RASGRP3: variants seen among roughly 807,000 people sequenced by gnomAD.
The protein encoded by RASGRP3 is RAS guanyl releasing protein 3, also known as ras guanyl-releasing protein 3.
RASGRP3 carries 54 observed loss-of-function variants against 82.7 expected under a neutral mutation model. That is an observed-to-expected ratio of 0.65 (90% confidence interval 0.52 to 0.82). RASGRP3 has a LOEUF of 0.82. Ranked by LOEUF, RASGRP3 falls within the 40% of genes least tolerant of loss-of-function variation. RASGRP3 has a pLI of 0.00. For missense variants in RASGRP3, 861 were observed against 828.9 expected, an observed-to-expected ratio of 1.04 and a Z score of -0.48; for synonymous variants, 309 against 300.5, an observed-to-expected ratio of 1.03 and a Z score of -0.29.
chr2:33,451,616 G>A (rs1001769262), intron 2 of RASGRP3, among the ~76,000 whole-genome samples: 2 of 152,032 alleles, frequency 1.3e-5, no homozygotes, highest in Non-Finnish European at 2.9e-5. Context: ...TGTATGTAAC[G>A]TAAGGGTTCG....
At chr2:33,561,422 C>T (rs941399102) in intron 17 of RASGRP3, among the ~76,000 whole-genome samples, 1 of 152,100 alleles carries the variant, frequency 6.6e-6, no homozygotes, top group African/African-American at 2.4e-5. Context: ...TATTTAATTT[C>T]ATCTGTGCTA....
intron 2 of RASGRP3, among the ~76,000 whole-genome samples, chr2:33,456,559 A>AG (rs1161701503): frequency 6.6e-6 from 1 of 152,182 alleles, no homozygotes; most frequent in Non-Finnish European, 1.5e-5. Flanking sequence ...TTCTGATCTC[A>AG]GTCTTCCATC....
intron 17 of RASGRP3, chr2:33,559,589 T>C (rs1426668968): frequency 1.9e-6 from 1 of 518,584 alleles, no homozygotes; most frequent in Admixed American, 1.9e-5. Flanking sequence ...AGGATGCAGA[T>C]GGAATTTGTT....
chr2:33,497,388 G>A (rs1669425182), intron 1 of RASGRP3, among the ~76,000 whole-genome samples: 1 of 152,182 alleles, frequency 6.6e-6, no homozygotes. Flanking sequence ...CACAGAAGCT[G>A]ATGAGGTTCT....
chr2:33,468,609 C>T (rs1666862545), intron 2 of RASGRP3, among the ~76,000 whole-genome samples: 1 of 152,098 alleles, frequency 6.6e-6, no homozygotes, highest in Non-Finnish European at 1.5e-5. Flanking sequence ...ACCATGTGGG[C>T]CAGGATGGTC....
intron 1 of RASGRP3, among the ~76,000 whole-genome samples, chr2:33,504,259 GA>G (rs1670147955): frequency 6.6e-6 from 1 of 151,958 alleles, no homozygotes; most frequent in Non-Finnish European, 1.5e-5. Context: ...TTCCTGTCAA[GA>G]AGGCCTCCTA....
chr2:33,517,347 A>G (rs1411052343), intron 4 of RASGRP3, among the ~76,000 whole-genome samples: 1 of 152,208 alleles, frequency 6.6e-6, no homozygotes, highest in Non-Finnish European at 1.5e-5. Context: ...CAATGCTTTT[A>G]TTATACAATC....
At chr2:33,488,431 T>C (rs1409600226) in intron 1 of RASGRP3, among the ~76,000 whole-genome samples, 3 of 152,172 alleles carry the variant, frequency 2.0e-5, no homozygotes, top group Non-Finnish European at 2.9e-5. Context: ...AAAAAGGTAA[T>C]GCTTTCTATA....
chr2:33,471,693 C>CT (rs920929365), upstream of RASGRP3, among the ~76,000 whole-genome samples: 1 of 151,826 alleles, frequency 6.6e-6, no homozygotes, highest in African/African-American at 2.4e-5. Flanking sequence ...GAACTAAGAG[C>CT]TTTTTTTGGA....
chr2:33,445,324 G>A (rs1410588290), intron 1 of RASGRP3, among the ~76,000 whole-genome samples: 2 of 152,198 alleles, frequency 1.3e-5, no homozygotes, highest in Non-Finnish European at 2.9e-5. Flanking sequence ...GCAGCCAACT[G>A]GAATGATCAC....
chr2:33,549,746 G>A lies in RASGRP3; in HGVS notation c.1537G>A (p.Gly513Arg), dbSNP rs753252206. Residue 513 changes from glycine to arginine, a missense_variant, in exon 14 of 18, where the codon GGA (glycine) becomes AGA (arginine). Gly to Arg is a moderately radical substitution (Grantham distance 125). Coordinates refer to ENST00000403687, the MANE Select transcript of RASGRP3 (RefSeq NM_001139488.2). ...LKPTFCEHCAGFLWGIIKQGY... is the reference protein window; with the variant it reads ...LKPTFCEHCARFLWGIIKQGY... The stretch of plus-strand genomic sequence containing the variant: ...GCCAACCTTCTGCGAACACTGTGCG[G>A]GATTTGTAAGTCTGTTTTCCGTTGT... 6.2e-7 allele frequency: 1 copy of A among 1,612,070 alleles called. No individual in the cohort carries two copies. Among genetic ancestry groups the A allele is most frequent in the Non-Finnish European group, 8.5e-7 (1 of 1,179,392 alleles).
intron 2 of RASGRP3, among the ~76,000 whole-genome samples, chr2:33,468,377 A>G (rs748444267): frequency 3.3e-5 from 5 of 151,608 alleles, no homozygotes; most frequent in Non-Finnish European, 5.9e-5. Context: ...GATGCTGAAT[A>G]TTTTTCCATG....
chr2:33,472,801 G>A (rs1313937572), upstream of RASGRP3, among the ~76,000 whole-genome samples: 1 of 140,496 alleles, frequency 7.1e-6, no homozygotes, highest in Non-Finnish European at 1.5e-5. Context: ...CTAAAAACAT[G>A]AAAATTGCCG....
In RASGRP3 at chr2:33,516,637, C is replaced by T; in HGVS notation, c.166C>T (p.Leu56Phe). Residue 56 changes from leucine (L) to phenylalanine (F), a missense_variant, in exon 4 of 18, where the codon CTC (leucine) becomes TTC (phenylalanine). Physicochemically the swap from Leu to Phe is conservative, Grantham distance 22. Coordinates refer to ENST00000403687, the MANE Select transcript of RASGRP3 (RefSeq NM_001139488.2). ...TTCCACTGAATTGGCAGAAAAACTT[C>T]TCTGCATATATCTTTTCAACTACTG... The part of the protein sequence containing the change: ...LSSTELAEKL[L>F]CMYRNATGES... 6.5e-7 allele frequency: 1 copy of T among 1,541,404 alleles called. No individual in the cohort carries two copies. The highest frequency in any genetic ancestry group is 8.9e-7 in the Non-Finnish European group (1 of 1,123,586).
At chr2:33,502,638 A>G (rs915160546) in intron 1 of RASGRP3, among the ~76,000 whole-genome samples, 3 of 151,308 alleles carry the variant, frequency 2.0e-5, no homozygotes, top group Non-Finnish European at 4.4e-5. Flanking sequence ...TCAGCCTCCC[A>G]AGTAGCTGAG....
chr2:33,555,437 T>G (rs1279853693), intron 14 of RASGRP3, 94 bp from the exon 15 acceptor site: 2 of 1,113,994 alleles, frequency 1.8e-6, no homozygotes, highest in Non-Finnish European at 2.6e-6. Flanking sequence ...GCCTGGCCAG[T>G]CCTGAAGCTT....
intron 2 of RASGRP3, among the ~76,000 whole-genome samples, chr2:33,465,756 C>T (rs1370861136): frequency 6.6e-6 from 1 of 152,198 alleles, no homozygotes; most frequent in Admixed American, 6.5e-5. Flanking sequence ...CATGAAAGGA[C>T]AGGCTGACTC....
intron 13 of RASGRP3, among the ~76,000 whole-genome samples, chr2:33,545,054 A>C (rs1419490595): frequency 6.6e-6 from 1 of 152,216 alleles, no homozygotes; most frequent in Non-Finnish European, 1.5e-5. Context: ...GTTTGTTACT[A>C]TTAGTGACAT....
At chr2:33,475,166 T>C (rs529165255), upstream of RASGRP3, among the ~76,000 whole-genome samples, 45 of 152,392 alleles carry the variant, frequency 3.0e-4, no homozygotes, top group African/African-American at 1.0e-3. Context: ...ATTGCATTTT[T>C]ATATCTGAAG....
Sources: gnomAD v4.1 joint callset for allele counts (sites outside exome capture counted in the v4.1 genomes callset) on GRCh38, gnomAD v4.1.1 for gene constraint, MANE v1.5 for transcripts, NCBI Gene and HGNC (gene_info 2026-07-23, HGNC 2026-07-21) for gene names.